The following ZNF676 variants were observed in gnomAD, a reference collection of about 807,000 sequenced individuals.
ZNF676 encodes the protein zinc finger protein 676.
In ZNF676, 4 loss-of-function variants were observed where a neutral mutation model predicts 6.0. The observed-to-expected ratio is 0.67, with a 90% CI of 0.33 to 1.53. The LOEUF is 1.53. ZNF676 is among the 40% of genes most tolerant of loss of function. The pLI is 0.06. For synonymous variants in ZNF676, 198 were observed against 223.1 expected (o/e 0.89, Z 1.00); for missense variants, 644 against 679.7 (o/e 0.95, Z 0.58).
intron 2 of ZNF676, 141 bp from the exon 3 acceptor site, chr19:22,181,727 T>C (rs1272018983): frequency 1.0e-5 from 6 of 599,264 alleles, no homozygotes; most frequent in Non-Finnish European, 1.6e-5. Context: ...TCTTCATAGA[T>C]ATATAAATGT....
rs556993494 is a variant in ZNF676 at position 22,196,377 on chromosome 19, C to T, written c.34+223G>A. ...TAAGTCAAGCAGCTGACCACAACCT[C>T]CCCCTTCTCCCTATCTCCTTTACTC... On this transcript the variant is annotated intron_variant, in intron 1 of 2. Coordinates refer to ENST00000397121, the MANE Select transcript of ZNF676 (RefSeq NM_001001411.3). 3.3e-5 allele frequency among the ~76,000 whole-genome samples: 5 copies of T among 152,202 alleles called. No individual in the cohort carries two copies. The East Asian group carries it at 7.8e-4, about 24-fold the overall frequency.
intron 2 of ZNF676, among the ~76,000 whole-genome samples, chr19:22,183,645 A>G (rs761667201): frequency 2.6e-5 from 4 of 152,202 alleles, no homozygotes; most frequent in Non-Finnish European, 4.4e-5. Context: ...CAGGTTATTT[A>G]AAAAATTTTA....
chr19:22,212,627 C>T (rs1217701670), intron 1 of ZNF676, among the ~76,000 whole-genome samples: 10 of 151,414 alleles, frequency 6.6e-5, no homozygotes, highest in Non-Finnish European at 8.8e-5. Flanking sequence ...ATCACTTGAA[C>T]TTGGGATGCA....
the ZNF676 span, among the ~76,000 whole-genome samples, chr19:22,251,822 A>G: frequency 2.0e-5 from 3 of 151,608 alleles, no homozygotes; most frequent in Non-Finnish European, 4.4e-5. Flanking sequence ...CACTAATCTA[A>G]TTCTGAACAC....
intron 1 of ZNF676, among the ~76,000 whole-genome samples, chr19:22,208,010 GAAGAT>G (rs1243601974): frequency 1.3e-5 from 2 of 150,098 alleles, no homozygotes; most frequent in South Asian, 2.1e-4. Context: ...AAAAACCCTG[GAAGAT>G]AAGAAGTGCC....
intron 2 of ZNF676, among the ~76,000 whole-genome samples, chr19:22,190,005 G>C (rs2023882390): frequency 1.3e-5 from 2 of 152,116 alleles, no homozygotes; most frequent in Admixed American, 1.3e-4. Flanking sequence ...ATTTGACCCA[G>C]TAATCCCATT....
At chr19:22,238,896 A>AT in the ZNF676 span, among the ~76,000 whole-genome samples, 1 of 152,158 alleles carries the variant, frequency 6.6e-6, no homozygotes, top group African/African-American at 2.4e-5. Flanking sequence ...TTGGCAGTTG[A>AT]TTAGATTGTG....
rs577043886 is a variant in ZNF676, at chr19:22,192,707, G to A, written c.130+309C>T. On this transcript the variant is annotated intron_variant, in intron 2 of 2. Coordinates refer to ENST00000397121, the MANE Select transcript of ZNF676 (RefSeq NM_001001411.3). Reference sequence around the variant, plus strand: ...TTAACATGGAGTACCTTAAAATTACGCGGATATCTATGTGTCCACAAAAAC... The same window carrying A: ...TTAACATGGAGTACCTTAAAATTACACGGATATCTATGTGTCCACAAAAAC... Among the ~76,000 whole-genome samples the A allele has an allele frequency of 1.3e-3, 195 of 145,596 alleles. 1 individual carries two copies. The highest frequency in any genetic ancestry group is 4.8e-3 in the African/African-American group (181 of 38,054).
intron 2 of ZNF676, among the ~76,000 whole-genome samples, chr19:22,190,664 TAC>T (rs1555774118): frequency 7.2e-4 from 80 of 111,788 alleles, no homozygotes; most frequent in African/African-American, 4.0e-3. Context: ...TATATATATA[TAC>T]ATACACACTT....
chr19:22,242,351 G>C, the ZNF676 span, among the ~76,000 whole-genome samples: 1 of 151,858 alleles, frequency 6.6e-6, no homozygotes, highest in Non-Finnish European at 1.5e-5. Flanking sequence ...CAAGGTGCAG[G>C]CAAAACAAAT....
chr19:22,206,234 C>T (rs1232542210), intron 1 of ZNF676, among the ~76,000 whole-genome samples: 1 of 152,026 alleles, frequency 6.6e-6, no homozygotes, highest in African/African-American at 2.4e-5. Context: ...TTATTTCTAC[C>T]AGAACAATTT....
At chr19:22,210,735 A>G (rs2024121225) in intron 1 of ZNF676, among the ~76,000 whole-genome samples, 2 of 152,202 alleles carry the variant, frequency 1.3e-5, no homozygotes, top group Admixed American at 6.5e-5. Context: ...CGTTAAAAAA[A>G]TCAGCTGTAT....
the ZNF676 span, among the ~76,000 whole-genome samples, chr19:22,241,206 GA>G: frequency 1.3e-5 from 2 of 151,914 alleles, no homozygotes; most frequent in Middle Eastern, 3.2e-3. Flanking sequence ...GCATACATCA[GA>G]ATCACACCAG....
chr19:22,182,430 C>T (rs1218888281), intron 2 of ZNF676, among the ~76,000 whole-genome samples: 1 of 151,280 alleles, frequency 6.6e-6, no homozygotes, highest in Non-Finnish European at 1.5e-5. Flanking sequence ...AATGTATATA[C>T]TAATTTTAAA....
intron 1 of ZNF676, among the ~76,000 whole-genome samples, chr19:22,194,605 C>T (rs1353044350): frequency 6.6e-6 from 1 of 152,062 alleles, no homozygotes; most frequent in Non-Finnish European, 1.5e-5. Flanking sequence ...TGCTCCCCAC[C>T]CCGAGCAGAA....
the ZNF676 span, among the ~76,000 whole-genome samples, chr19:22,235,092 GGAA>G: frequency 2.1e-3 from 303 of 141,172 alleles, 4 homozygotes; most frequent in African/African-American, 7.9e-3. Context: ...CAGGAAGGCA[GGAA>G]GAAGGAAGTC....
At chr19:22,216,467 C>T (rs1186389420), upstream of ZNF676, among the ~76,000 whole-genome samples, 1 of 151,764 alleles carries the variant, frequency 6.6e-6, no homozygotes, top group African/African-American at 2.4e-5. Flanking sequence ...GAAACGCCAT[C>T]TCAAAAAACA....
At chr19:22,230,007 C>T in the ZNF676 span, among the ~76,000 whole-genome samples, 7 of 152,078 alleles carry the variant, frequency 4.6e-5, no homozygotes, top group Non-Finnish European at 1.0e-4. Flanking sequence ...GGTATATACC[C>T]GAAAGATTAT....
At chr19:22,253,637 T>C in the ZNF676 span, among the ~76,000 whole-genome samples, 1 of 151,788 alleles carries the variant, frequency 6.6e-6, no homozygotes, top group Non-Finnish European at 1.5e-5. Context: ...TGCATCCAGG[T>C]AGAAAGGATC....
Sources: gnomAD v4.1 joint callset for allele counts (sites outside exome capture counted in the v4.1 genomes callset) on GRCh38, gnomAD v4.1.1 for gene constraint, MANE v1.5 for transcripts, NCBI Gene and HGNC (gene_info 2026-07-23, HGNC 2026-07-21) for gene names.